IQCH: variants seen among roughly 807,000 people sequenced by gnomAD.
The protein encoded by IQCH is IQ motif containing H.
A neutral mutation model predicts 117.0 loss-of-function variants in IQCH; 98 were observed. That is an observed-to-expected ratio of 0.84 (90% CI 0.71 to 0.99). The LOEUF is 0.99. IQCH is among the 50% of genes least tolerant of loss of function. The pLI is 0.00. For missense variants in IQCH, 1,102 were observed against 1,243.8 expected (o/e 0.89, Z 1.72); for synonymous variants, 412 against 448.2 (o/e 0.92, Z 1.02).
In IQCH at chr15:67,409,259, A is replaced by G. The variant is rs1055844796; in HGVS notation, c.2098-7672A>G. Among the ~76,000 whole-genome samples, 7 of 152,190 alleles carry G rather than the reference A, an allele frequency of 4.6e-5. No homozygotes were observed. The East Asian group carries it at 1.3e-3, about 29-fold the overall frequency. On this transcript the variant is annotated intron_variant, in intron 14 of 20. Coordinates refer to ENST00000335894, the MANE Select transcript of IQCH (RefSeq NM_001031715.3). ...AATTTTCCTGCCTTTGTGTATGTGC[A>G]AATTTCAATTAAGAATTTCAAGAAG...
In IQCH at chr15:67,369,014, T is replaced by C. The variant is rs1167944829; in HGVS notation, c.754-3097T>C. Among the ~76,000 whole-genome samples, 1 of 152,094 alleles carries C rather than the reference T, an allele frequency of 6.6e-6. No individual in the cohort carries two copies. Among genetic ancestry groups the C allele is most frequent in the Non-Finnish European group, 1.5e-5 (1 of 68,016 alleles). ...AATCCTCTCACCTCAGCCTACTGGG[T>C]AGCTAGGACTACAGCTGCACACCAC... On this transcript the variant is annotated intron_variant, in intron 8 of 20. Coordinates refer to ENST00000335894, the MANE Select transcript of IQCH (RefSeq NM_001031715.3). The surrounding 1 kb of genome is among the most constrained non-coding windows in gnomAD (Gnocchi z 5.2).
At chr15:67,360,839 C>T (rs896714389) in intron 8 of IQCH, among the ~76,000 whole-genome samples, 10 of 152,332 alleles carry the variant, frequency 6.6e-5, no homozygotes, top group African/African-American at 2.2e-4. Flanking sequence ...CCCTCTGTAC[C>T]TAGACAGATT....
chr15:67,266,656 A>T (rs1034616435), intron 3 of IQCH, among the ~76,000 whole-genome samples: 11 of 152,096 alleles, frequency 7.2e-5, no homozygotes, highest in Admixed American at 6.5e-4. Flanking sequence ...GACTCCGTCT[A>T]AAAAAATAAA....
Position 67,386,082 on chromosome 15 carries a change from CA to C in IQCH, c.1456+1071del, listed in dbSNP as rs1218946131. On this transcript the variant is annotated intron_variant, in intron 11 of 20. Transcript: ENST00000335894. The surrounding 1 kb of genome is among the most constrained non-coding windows in gnomAD (Gnocchi z 5.0). ...GCACTCAGATTGTTTTTCAGCATTA[CA>C]AAAAAAATTTTTAATGACTTAAGAT... Among the ~76,000 whole-genome samples the C allele has an allele frequency of 2.0e-5, 3 of 151,868 alleles. No homozygotes were observed. The highest frequency in any genetic ancestry group is 2.0e-4 in the Admixed American group (3 of 15,238).
intron 6 of IQCH, among the ~76,000 whole-genome samples, chr15:67,349,872 C>T (rs1969577582): frequency 6.6e-6 from 1 of 152,108 alleles, no homozygotes; most frequent in African/African-American, 2.4e-5. Context: ...CAGTGGGATA[C>T]CACTACATGA....
intron 6 of IQCH, among the ~76,000 whole-genome samples, chr15:67,351,631 G>A (rs1337391167): frequency 6.6e-6 from 1 of 152,206 alleles, no homozygotes; most frequent in East Asian, 1.9e-4. Context: ...CCTTCAGTGT[G>A]TAAGATACTC....
intron 6 of IQCH, among the ~76,000 whole-genome samples, chr15:67,345,012 G>A (rs1006414980): frequency 1.3e-5 from 2 of 152,100 alleles, no homozygotes; most frequent in Non-Finnish European, 2.9e-5. Context: ...GTTTTGAGAT[G>A]GAGTTTCACT....
chr15:67,276,275 G>T (rs1427963467), intron 3 of IQCH, among the ~76,000 whole-genome samples: 2 of 152,140 alleles, frequency 1.3e-5, no homozygotes, highest in Non-Finnish European at 2.9e-5. Flanking sequence ...TGGGAAGGTG[G>T]TGACATACTG....
At position 67,400,096 on chromosome 15, in the gene IQCH, G is replaced by A. The variant is rs750479690; in HGVS notation, c.1906-18G>A. The A allele has an allele frequency of 1.7e-5, 27 of 1,608,062 alleles. No individual in the cohort carries two copies. The highest frequency in any genetic ancestry group is 2.2e-5 in the Non-Finnish European group (26 of 1,175,326). ...GAAATGAACTGTATTAAATGCAGCTGTGTCTTTGGCCTCACAGATGATAGA... is the reference window on the plus strand; with the variant it reads ...GAAATGAACTGTATTAAATGCAGCTATGTCTTTGGCCTCACAGATGATAGA... On this transcript the variant is annotated intron_variant, in intron 13 of 20. Coordinates refer to ENST00000335894, the MANE Select transcript of IQCH (RefSeq NM_001031715.3).
intron 2 of IQCH, 124 bp downstream of exon 2, chr15:67,261,518 A>C: frequency 2.8e-6 from 2 of 712,280 alleles, no homozygotes; most frequent in Non-Finnish European, 2.3e-6. Context: ...GGCAGTCGTC[A>C]GCATTCTTGT....
At chr15:67,299,504 T>A (rs1197921136) in intron 4 of IQCH, among the ~76,000 whole-genome samples, 1 of 152,114 alleles carries the variant, frequency 6.6e-6, no homozygotes, top group African/African-American at 2.4e-5. Flanking sequence ...TCCCCTGATG[T>A]GATGTAATTA....
chr15:67,281,760 T>C (rs1358102836), intron 4 of IQCH: 3 of 454,708 alleles, frequency 6.6e-6, no homozygotes, highest in Non-Finnish European at 1.3e-5. Context: ...TTTCAAAATA[T>C]GTCAAAGTAC....
rs1306103695 is a variant in IQCH, at chr15:67,385,869, A to G, written c.1456+850A>G. 6.6e-6 allele frequency among the ~76,000 whole-genome samples: 1 copy of G among 152,204 alleles called. No homozygotes were observed. Among genetic ancestry groups the G allele is most frequent in the Non-Finnish European group, 1.5e-5 (1 of 68,026 alleles). On this transcript the variant is annotated intron_variant, in intron 11 of 20. Transcript: ENST00000335894. The surrounding 1 kb of genome is among the most constrained non-coding windows in gnomAD (Gnocchi z 4.6). The stretch of plus-strand genomic sequence containing the variant: ...CTTTGGCCCTTATTTAAGAAAAACA[A>G]GGAAGAATTTTAAATGATCAAGGAC...
chr15:67,330,178 G>A (rs1968604063), intron 4 of IQCH, among the ~76,000 whole-genome samples: 2 of 152,172 alleles, frequency 1.3e-5, no homozygotes, highest in South Asian at 4.1e-4. Context: ...CTGCAAGGCA[G>A]TCTGGGAGAT....
At chr15:67,423,396 T>C (rs1027096971) in intron 16 of IQCH, among the ~76,000 whole-genome samples, 2 of 151,774 alleles carry the variant, frequency 1.3e-5, no homozygotes, top group African/African-American at 2.4e-5. Context: ...TGGGACCCCA[T>C]GTCTACAAAA....
In IQCH at chr15:67,360,814, A is replaced by G. The variant is rs140875718; in HGVS notation, c.753+929A>G. On this transcript the variant is annotated intron_variant, in intron 8 of 20. Transcript: ENST00000335894. ...CCTAGATAGAGCTGTATTTACATCA[A>G]TGATTACATACAGTCCCTCTGTACC... Among the ~76,000 whole-genome samples, 269 of 152,308 alleles carry G rather than the reference A, an allele frequency of 1.8e-3. 1 individual carries two copies. The highest frequency in any genetic ancestry group is 0.011 in the South Asian group (51 of 4,826).
intron 10 of IQCH, among the ~76,000 whole-genome samples, chr15:67,375,593 A>G (rs1199557717): frequency 6.6e-6 from 1 of 152,120 alleles, no homozygotes; most frequent in African/African-American, 2.4e-5. Context: ...TAATGTAGCA[A>G]TTTTTGTTTG....
intron 16 of IQCH, among the ~76,000 whole-genome samples, chr15:67,444,922 GAC>G (rs1406219468): frequency 2.6e-5 from 4 of 152,150 alleles, no homozygotes; most frequent in Non-Finnish European, 5.9e-5. Flanking sequence ...AACAAGAAGT[GAC>G]ACAAAAGCCT....
At position 67,321,198 on chromosome 15, in the gene IQCH, G is replaced by A. The variant is rs572233290; in HGVS notation, c.388-15777G>A. 4.1e-4 allele frequency among the ~76,000 whole-genome samples: 62 copies of A among 152,140 alleles called. No individual in the cohort carries two copies. The South Asian group carries it at 6.9e-3, about 17-fold the overall frequency. On this transcript the variant is annotated intron_variant, in intron 4 of 20. Coordinates refer to ENST00000335894, the MANE Select transcript of IQCH (RefSeq NM_001031715.3). ...ATAATAGCTCTACTTTATGTGATGC[G>A]CTGTATGGGGTCTGTGAGACATGCA...
Sources: allele counts gnomAD v4.1 joint callset (sites outside exome capture counted in the v4.1 genomes callset), GRCh38; gene constraint gnomAD v4.1.1; non-coding constraint Gnocchi (gnomAD v3.1); transcripts MANE v1.5; gene names NCBI Gene and HGNC (gene_info 2026-07-23, HGNC 2026-07-21).